FREM3: variants seen among roughly 807,000 people sequenced by gnomAD.
The protein encoded by FREM3 is FRAS1-related extracellular matrix protein 3.
In FREM3, 105 loss-of-function variants were observed where a neutral mutation model predicts 129.1. The observed-to-expected ratio is 0.81, with a 90% confidence interval of 0.69 to 0.96. FREM3 has a LOEUF of 0.96. Ranked by LOEUF, FREM3 falls within the 40% of genes least tolerant of loss-of-function variation. FREM3 has a pLI of 0.00. For missense variants in FREM3, 2,593 were observed against 2,666.3 expected (o/e 0.97, Z 0.61); for synonymous variants, 1,014 against 1,044.9 (o/e 0.97, Z 0.57).
At position 143,698,083 on chromosome 4, in the gene FREM3, C is replaced by T. The variant is rs768853334; in HGVS notation, c.2593G>A (p.Val865Ile). ...TGGGGACCCCGGACTAATATGAAGA[C>T]AATTTGGTCAATGTCTGTGTCTGGG... is the stretch of plus-strand genomic sequence containing the variant. ...TDPDTDIDQI[V>I]FILVRGPQHG... Residue 865 changes from valine to isoleucine, a missense_variant, in exon 1 of 8, where the codon GTC becomes ATC. By Grantham distance (29) the Val-to-Ile change is conservative. Coordinates refer to ENST00000329798, the MANE Select transcript of FREM3 (RefSeq NM_001168235.2). The T allele has an allele frequency of 6.5e-7, 1 of 1,537,366 alleles. No individual in the cohort carries two copies. The highest frequency in any genetic ancestry group is 1.2e-5 in the South Asian group (1 of 84,054).
In FREM3 at chr4:143,699,601, G is replaced by T; in HGVS notation, c.1075C>A (p.Gln359Lys). The part of the protein sequence containing the change: ...APTHPPGHPG[Q>K]QGYVVSTDDP... Reference sequence around the variant, plus strand: ...TCGGTGCTGACCACGTAGCCCTGTTGCCCCGGGTGCCCTGGTGGGTGAGTG... The same window carrying T: ...TCGGTGCTGACCACGTAGCCCTGTTTCCCCGGGTGCCCTGGTGGGTGAGTG... The change falls in exon 1 of 8, where the codon CAA (glutamine) becomes AAA (lysine). Residue 359 changes from glutamine to lysine, a missense_variant. By Grantham distance (53) the Gln-to-Lys change is moderately conservative. Transcript: ENST00000329798. This position sits in a 1 kb window ranked among gnomAD's most constrained non-coding sequence, Gnocchi z 4.2. 6.5e-7 allele frequency: 1 copy of T among 1,530,322 alleles called. No homozygotes were observed. Among genetic ancestry groups the T allele is most frequent in the African/African-American group, 1.4e-5 (1 of 73,014 alleles). The allele number at this position is 1,530,322 out of a possible 1,614,324, so 94.8% of individuals were successfully genotyped here. A position where few individuals can be genotyped will look rare whatever the true frequency, so the allele number is the denominator to read the frequency against.
chr4:143,614,339 T>G (rs1738809372), intron 5 of FREM3, among the ~76,000 whole-genome samples: 1 of 152,224 alleles, frequency 6.6e-6, no homozygotes, highest in Admixed American at 6.5e-5. Context: ...CAAACAATAT[T>G]TTATCTGCAA....
chr4:143,603,588 A>C (rs534164407), intron 6 of FREM3, among the ~76,000 whole-genome samples: 3 of 152,200 alleles, frequency 2.0e-5, no homozygotes, highest in Non-Finnish European at 2.9e-5. Flanking sequence ...ATAAAGGAAC[A>C]ACTTAATGTA....
intron 3 of FREM3, among the ~76,000 whole-genome samples, 173 bp downstream of exon 3, chr4:143,627,441 G>GC (rs1454774488): frequency 6.6e-6 from 1 of 152,130 alleles, no homozygotes; most frequent in African/African-American, 2.4e-5. Context: ...ACATATCTAA[G>GC]CCCCATAACT....
chr4:143,656,394 A>C (rs961604303), intron 2 of FREM3, among the ~76,000 whole-genome samples: 1 of 152,242 alleles, frequency 6.6e-6, no homozygotes, highest in African/African-American at 2.4e-5. Context: ...CAATAGCCCC[A>C]AAATGGAAAC....
chr4:143,693,087 C>CT (rs1282330020), intron 2 of FREM3, 26 bp downstream of exon 2: 66 of 1,220,836 alleles, frequency 5.4e-5, no homozygotes, highest in Non-Finnish European at 7.0e-5. Flanking sequence ...ACCATGAATC[C>CT]TTTTGAAGGG....
rs1244146549 is a variant in FREM3, at chr4:143,585,218, C to T, written c.6178+626G>A. The stretch of plus-strand genomic sequence containing the variant: ...ACAACCTAACACCACACCAAAAGGT[C>T]ACAACTGCAAATGAGAAAATGTGGG... On this transcript the variant is annotated intron_variant, in intron 7 of 7. Transcript: ENST00000329798. The surrounding 1 kb of genome is among the most constrained non-coding windows in gnomAD (Gnocchi z 4.2). Among the ~76,000 whole-genome samples, 1 of 152,192 alleles carries T rather than the reference C, an allele frequency of 6.6e-6. No homozygotes were observed. The highest frequency in any genetic ancestry group is 1.5e-5 in the Non-Finnish European group (1 of 68,038).
chr4:143,611,516 C>T lies in FREM3; in HGVS notation c.5791G>A (p.Gly1931Ser). The T allele has an allele frequency of 6.5e-7, 1 of 1,536,954 alleles. No homozygotes were observed. The highest frequency in any genetic ancestry group is 8.7e-7 in the Non-Finnish European group (1 of 1,146,736). The change falls in exon 6 of 8, where the codon GGC (glycine) becomes AGC (serine). Residue 1931 changes from glycine to serine, a missense_variant. Gly to Ser is a moderately conservative substitution (Grantham distance 56). Transcript: ENST00000329798. ...ICSTRQGSAT[G>S]TISSTVLFSD... ...AATAACACTGTGGAAGAAATCGTGC[C>T]TGTGGCAGAACCTACAGAAATATGA... is the stretch of plus-strand genomic sequence containing the variant.
chr4:143,662,868 G>T (rs1578857290), intron 2 of FREM3, among the ~76,000 whole-genome samples: 1 of 151,922 alleles, frequency 6.6e-6, no homozygotes, highest in African/African-American at 2.4e-5. Context: ...GATCTTTGTT[G>T]GTTTAAAGTG....
intron 2 of FREM3, among the ~76,000 whole-genome samples, chr4:143,640,949 A>G (rs913456727): frequency 3.3e-5 from 5 of 152,158 alleles, no homozygotes; most frequent in Non-Finnish European, 7.4e-5. Flanking sequence ...ATCATGTTAC[A>G]TTGGTCATAT....
chr4:143,611,609 T>C (rs901208699), intron 5 of FREM3, 82 bp from the exon 6 acceptor site: 1 of 1,250,348 alleles, frequency 8.0e-7, no homozygotes, highest in Non-Finnish European at 1.1e-6. Context: ...CTTTAATGTA[T>C]TTTTAGATAA....
rs1738058193 is a variant in FREM3, at chr4:143,577,448, C to T, written c.*163G>A. The T allele has an allele frequency of 3.2e-6, 2 of 629,718 alleles. No homozygotes were observed. The highest frequency in any genetic ancestry group is 6.4e-5 in the Admixed American group (2 of 31,294). 39.0% of individuals were successfully genotyped at this position (629,718 alleles called of 1,614,324 possible). On this transcript the variant is annotated 3_prime_UTR_variant, in exon 8 of 8. Transcript: ENST00000329798. Reference sequence around the variant, plus strand: ...TTTCTAGGTATATATATTTCTATCTCCATGCAGTCATATAAATTACATTTC... The same window carrying T: ...TTTCTAGGTATATATATTTCTATCTTCATGCAGTCATATAAATTACATTTC...
At chr4:143,641,835 A>G (rs1739325313) in intron 2 of FREM3, among the ~76,000 whole-genome samples, 1 of 152,228 alleles carries the variant, frequency 6.6e-6, no homozygotes, top group Admixed American at 6.5e-5. Context: ...AGCATAAGCT[A>G]TAAATGATCC....
chr4:143,579,727 A>C (rs1417780063), intron 7 of FREM3, among the ~76,000 whole-genome samples: 1 of 152,248 alleles, frequency 6.6e-6, no homozygotes, highest in Non-Finnish European at 1.5e-5. Flanking sequence ...CACAGAAGTT[A>C]TAATAATTAT....
At chr4:143,644,073 G>A (rs1011392577) in intron 2 of FREM3, among the ~76,000 whole-genome samples, 11 of 152,034 alleles carry the variant, frequency 7.2e-5, no homozygotes, top group East Asian at 1.9e-4. Context: ...ACTGTTATAC[G>A]ATGATCAGGA....
chr4:143,581,727 T>G (rs982328413), intron 7 of FREM3, among the ~76,000 whole-genome samples: 5 of 152,010 alleles, frequency 3.3e-5, no homozygotes, highest in Non-Finnish European at 5.9e-5. Context: ...CCCCCTGCTC[T>G]TCACCAGACA....
At chr4:143,676,742 C>A (rs1266035800) in intron 2 of FREM3, among the ~76,000 whole-genome samples, 2 of 152,126 alleles carry the variant, frequency 1.3e-5, no homozygotes, top group East Asian at 1.9e-4. Flanking sequence ...TTCTTATACA[C>A]CAATAAGAAA....
intron 6 of FREM3, among the ~76,000 whole-genome samples, chr4:143,590,232 C>A (rs1007779888): frequency 2.6e-5 from 4 of 151,942 alleles, no homozygotes; most frequent in African/African-American, 7.3e-5. Flanking sequence ...CCTTTATTTC[C>A]TTCTCCTGCC....
chr4:143,695,033 G>A (rs188956099), intron 1 of FREM3, among the ~76,000 whole-genome samples: 10 of 152,250 alleles, frequency 6.6e-5, no homozygotes, highest in East Asian at 5.8e-4. Flanking sequence ...TAGAAATTAC[G>A]TTTGAATAGT....
Sources: allele counts gnomAD v4.1 joint callset (sites outside exome capture counted in the v4.1 genomes callset), GRCh38; gene constraint gnomAD v4.1.1; non-coding constraint Gnocchi (gnomAD v3.1); transcripts MANE v1.5; gene names NCBI Gene and HGNC (gene_info 2026-07-23, HGNC 2026-07-21).